CALN1: variants seen among roughly 807,000 people sequenced by gnomAD.
CALN1 encodes the protein calcium-binding protein 8.
CALN1 carries 17 observed loss-of-function variants against 30.6 expected under a neutral mutation model. The ratio of observed to expected loss-of-function variants is 0.56; its 90% CI spans 0.38 to 0.83. The LOEUF is 0.83. Ranked by LOEUF, CALN1 falls within the 40% of genes least tolerant of loss-of-function variation. The pLI, the probability that CALN1 is intolerant of heterozygous loss-of-function variation, is 0.00. For missense variants in CALN1, 291 were observed against 354.9 expected (o/e 0.82, Z 1.45); for synonymous variants, 156 against 131.4 (o/e 1.19, Z -1.28).
chr7:72,475,941 CTTTTTT>C, the CALN1 span, among the ~76,000 whole-genome samples: 30 of 75,880 alleles, frequency 4.0e-4, no homozygotes, highest in African/African-American at 1.8e-3. Context: ...CTCTCTCTCT[CTTTTTT>C]TTTTTTTTTT....
At chr7:72,250,906 T>C (rs1386817294) in intron 3 of CALN1, among the ~76,000 whole-genome samples, 1 of 152,134 alleles carries the variant, frequency 6.6e-6, no homozygotes, top group Non-Finnish European at 1.5e-5. Context: ...CAATGCAAAA[T>C]GATCTCATAC....
chr7:72,485,495 T>G, the CALN1 span, among the ~76,000 whole-genome samples: 3 of 152,334 alleles, frequency 2.0e-5, no homozygotes, highest in South Asian at 2.1e-4. Flanking sequence ...AGTAAGGAAT[T>G]GGATGAAGAA....
chr7:72,400,739 G>A (rs572680464), intron 2 of CALN1, among the ~76,000 whole-genome samples: 1 of 152,274 alleles, frequency 6.6e-6, no homozygotes. Context: ...TTTGGTGGTG[G>A]CCACCTGTAA....
intron 6 of CALN1, among the ~76,000 whole-genome samples, chr7:71,803,786 G>A (rs1380771901): frequency 6.6e-6 from 1 of 152,056 alleles, no homozygotes; most frequent in Non-Finnish European, 1.5e-5. Flanking sequence ...CACCCAGCCA[G>A]GCTTGCCCAC....
At chr7:72,262,685 C>T (rs1796343975) in intron 3 of CALN1, among the ~76,000 whole-genome samples, 1 of 152,190 alleles carries the variant, frequency 6.6e-6, no homozygotes, top group Non-Finnish European at 1.5e-5. Context: ...GACATGATTT[C>T]ACTTTTTATG....
At chr7:72,236,081 A>C (rs1260783654) in intron 3 of CALN1, among the ~76,000 whole-genome samples, 7 of 15,144 alleles carry the variant, frequency 4.6e-4, no homozygotes, top group Non-Finnish European at 5.5e-4. Flanking sequence ...ATTCTCCACA[A>C]AAAAAAAAAA....
At chr7:72,293,637 A>G (rs1434449541) in intron 2 of CALN1, among the ~76,000 whole-genome samples, 2 of 152,200 alleles carry the variant, frequency 1.3e-5, no homozygotes, top group Non-Finnish European at 2.9e-5. Flanking sequence ...GCAGATGACC[A>G]GCAAAGTGAC....
intron 3 of CALN1, among the ~76,000 whole-genome samples, chr7:72,161,760 C>T (rs1048252260): frequency 1.3e-5 from 2 of 151,642 alleles, no homozygotes; most frequent in African/African-American, 4.8e-5. Context: ...ACACGGGGGC[C>T]TGTAGGGGGC....
intron 3 of CALN1, among the ~76,000 whole-genome samples, chr7:72,160,544 G>T (rs985575817): frequency 6.6e-6 from 1 of 152,078 alleles, no homozygotes; most frequent in African/African-American, 2.4e-5. Context: ...CCCTCAAAGT[G>T]CTGGGATTAC....
intron 3 of CALN1, among the ~76,000 whole-genome samples, chr7:72,223,764 G>A (rs988634859): frequency 1.3e-5 from 2 of 152,194 alleles, no homozygotes; most frequent in Admixed American, 6.5e-5. Flanking sequence ...GAAATCAACA[G>A]TGGATTGGGT....
chr7:72,189,767 CAAA>C (rs56087252), intron 3 of CALN1, among the ~76,000 whole-genome samples: 9 of 130,924 alleles, frequency 6.9e-5, no homozygotes, highest in East Asian at 2.6e-4. Context: ...GACTTTGTCT[CAAA>C]AAAAAAAAAA....
intron 5 of CALN1, among the ~76,000 whole-genome samples, chr7:71,820,524 T>C (rs1216403646): frequency 1.3e-5 from 2 of 152,214 alleles, no homozygotes; most frequent in Non-Finnish European, 2.9e-5. Flanking sequence ...TTCCGTTGTA[T>C]GGACATACCA....
At chr7:72,045,918 G>A (rs371138627) in intron 4 of CALN1, among the ~76,000 whole-genome samples, 3 of 147,086 alleles carry the variant, frequency 2.0e-5, no homozygotes, top group South Asian at 2.2e-4. Context: ...AGAATCACTC[G>A]AACCTGGGAG....
rs575722484 is a variant in CALN1, at chr7:72,186,835, T to G, written c.245-80541A>C. Among the ~76,000 whole-genome samples the G allele has an allele frequency of 2.6e-5, 4 of 151,628 alleles. No individual in the cohort carries two copies. In the South Asian group the frequency reaches 8.3e-4, roughly 32 times the overall value. The stretch of plus-strand genomic sequence containing the variant: ...CACTGATGGACACCTGTGTTAATTC[T>G]CTGACTTTGCTATTGTGAATAGTGC... On this transcript the variant is annotated intron_variant, in intron 3 of 6. Transcript: ENST00000395275.
At chr7:72,474,008 G>GA in the CALN1 span, among the ~76,000 whole-genome samples, 3,601 of 150,674 alleles carry the variant, frequency 0.024, 66 homozygotes, top group Middle Eastern at 0.055. Context: ...TGAGTATTTT[G>GA]AAAAAAAAGA....
intron 1 of CALN1, among the ~76,000 whole-genome samples, chr7:72,436,998 C>G (rs1808180790): frequency 6.6e-6 from 1 of 151,472 alleles, no homozygotes; most frequent in Non-Finnish European, 1.5e-5. Flanking sequence ...CTGCTTGAGC[C>G]AAGGAGGACA....
intron 2 of CALN1, among the ~76,000 whole-genome samples, chr7:72,346,002 C>A (rs1232911312): frequency 6.6e-6 from 1 of 152,022 alleles, no homozygotes. Flanking sequence ...ATAGGAAATT[C>A]AGATACTGGA....
intron 2 of CALN1, among the ~76,000 whole-genome samples, chr7:72,399,861 G>A (rs1806220626): frequency 6.6e-6 from 1 of 152,124 alleles, no homozygotes; most frequent in African/African-American, 2.4e-5. Context: ...GAATGCCTGG[G>A]CACCCTTCCT....
At chr7:72,206,766 ATT>A in intron 3 of CALN1, among the ~76,000 whole-genome samples, 1 of 152,044 alleles carries the variant, frequency 6.6e-6, no homozygotes, top group South Asian at 2.1e-4. Flanking sequence ...CACATTGCAG[ATT>A]TGTTTATATA....
Sources: allele counts gnomAD v4.1 joint callset (sites outside exome capture counted in the v4.1 genomes callset), GRCh38; gene constraint gnomAD v4.1.1; transcripts MANE v1.5; gene names NCBI Gene and HGNC (gene_info 2026-07-23, HGNC 2026-07-21).